Variants in NAALADL2 observed in about 807,000 individuals in gnomAD.
NAALADL2 encodes N-acetylated alpha-linked acidic dipeptidase like 2, also known as inactive N-acetylated-alpha-linked acidic dipeptidase-like protein 2.
NAALADL2 carries 76 observed loss-of-function variants against 87.2 expected under a neutral mutation model. The observed-to-expected ratio is 0.87, with a 90% CI of 0.72 to 1.05. The LOEUF is 1.05. Ranked by LOEUF, NAALADL2 falls within the 50% of genes least tolerant of loss-of-function variation. The pLI is 0.00. For synonymous variants in NAALADL2, 354 were observed against 331.0 expected, an observed-to-expected ratio of 1.07 and a Z score of -0.75; for missense variants, 1,089 against 945.8, an observed-to-expected ratio of 1.15 and a Z score of -1.99.
In NAALADL2 at chr3:175,492,608, C is replaced by T. The variant is rs117208909; in HGVS notation, c.1653+20850C>T. 7.9e-5 allele frequency among the ~76,000 whole-genome samples: 12 copies of T among 152,202 alleles called. No homozygotes were observed. In the East Asian group the frequency reaches 2.3e-3, roughly 29 times the overall value. On this transcript the variant is annotated intron_variant, in intron 9 of 13. Transcript: ENST00000454872. The stretch of plus-strand genomic sequence containing the variant: ...TGTACCCATTTTTCCATGACAATTC[C>T]AAGCATTAATAGATCGTTCACATTC...
chr3:174,629,908 T>G (rs1205776795), intron 2 of NAALADL2, among the ~76,000 whole-genome samples: 2 of 152,220 alleles, frequency 1.3e-5, no homozygotes, highest in Admixed American at 6.5e-5. Context: ...TGATTAGCTT[T>G]GGAATTTTGA....
chr3:175,524,590 C>A (rs1335826356), intron 9 of NAALADL2, among the ~76,000 whole-genome samples: 3 of 151,954 alleles, frequency 2.0e-5, no homozygotes, highest in Non-Finnish European at 2.9e-5. Flanking sequence ...ATATCAACAC[C>A]ATTTCATATT....
intron 1 of NAALADL2, among the ~76,000 whole-genome samples, chr3:175,023,717 A>G (rs1751860341): frequency 6.6e-6 from 1 of 152,106 alleles, no homozygotes; most frequent in Non-Finnish European, 1.5e-5. Context: ...CTAGAATGCA[A>G]AATACTGAAT....
chr3:175,396,910 C>T (rs1271396550), intron 5 of NAALADL2, among the ~76,000 whole-genome samples: 2 of 152,118 alleles, frequency 1.3e-5, no homozygotes, highest in Admixed American at 1.3e-4. Flanking sequence ...CCCAACCCTG[C>T]AGAACTGTGA....
chr3:174,666,304 C>T (rs1319759634), intron 2 of NAALADL2, among the ~76,000 whole-genome samples: 3 of 152,112 alleles, frequency 2.0e-5, no homozygotes, highest in Non-Finnish European at 4.4e-5. Context: ...GATGACAGCA[C>T]AAACCAAAAT....
chr3:175,674,081 A>G (rs933034513), intron 11 of NAALADL2, among the ~76,000 whole-genome samples: 1 of 152,226 alleles, frequency 6.6e-6, no homozygotes, highest in Non-Finnish European at 1.5e-5. Context: ...CCAATTTGAT[A>G]GCATTCATTA....
intron 2 of NAALADL2, among the ~76,000 whole-genome samples, chr3:174,701,287 AACACCTAGCAC>A (rs1729533779): frequency 2.0e-5 from 3 of 151,734 alleles, no homozygotes; most frequent in Admixed American, 2.0e-4. Context: ...ATATGAACCT[AACACCTAGCAC>A]TGAAAATTGT....
At chr3:174,948,269 C>G (rs759454790) in intron 1 of NAALADL2, among the ~76,000 whole-genome samples, 2 of 151,990 alleles carry the variant, frequency 1.3e-5, no homozygotes, top group Non-Finnish European at 2.9e-5. Flanking sequence ...TTCCACCTCC[C>G]GGGTTGAAGC....
chr3:175,719,224 A>C (rs997365924), intron 11 of NAALADL2, among the ~76,000 whole-genome samples: 5 of 151,300 alleles, frequency 3.3e-5, no homozygotes, highest in Non-Finnish European at 5.9e-5. Flanking sequence ...GGGGTTACAA[A>C]AAAAAAAAAG....
chr3:174,882,535 GCATACACACA>G, intron 1 of NAALADL2, among the ~76,000 whole-genome samples: 2 of 147,050 alleles, frequency 1.4e-5, no homozygotes, highest in Admixed American at 6.7e-5. Flanking sequence ...ACACATATAT[GCATACACACA>G]TATGTACATA....
intron 1 of NAALADL2, among the ~76,000 whole-genome samples, chr3:174,993,438 A>T (rs556726471): frequency 6.6e-6 from 1 of 152,220 alleles, no homozygotes; most frequent in Non-Finnish European, 1.5e-5. Context: ...CAAGTGAGAC[A>T]TTCTTTACCC....
intron 2 of NAALADL2, among the ~76,000 whole-genome samples, chr3:174,732,210 T>C (rs2108985823): frequency 6.6e-6 from 1 of 152,232 alleles, no homozygotes; most frequent in South Asian, 2.1e-4. Context: ...ATAAATATGA[T>C]TTTTTGACTC....
intron 1 of NAALADL2, among the ~76,000 whole-genome samples, chr3:174,496,121 G>T (rs956454199): frequency 2.6e-5 from 4 of 152,162 alleles, no homozygotes; most frequent in African/African-American, 4.8e-5. Context: ...TGAACAGTCA[G>T]TAGGGCAGCT....
chr3:175,340,553 C>T (rs1161212346), intron 5 of NAALADL2, among the ~76,000 whole-genome samples: 1 of 152,152 alleles, frequency 6.6e-6, no homozygotes, highest in African/African-American at 2.4e-5. Flanking sequence ...GTCCCCTTCT[C>T]AGTTCTACAA....
chr3:175,597,179 T>A (rs996079492), intron 10 of NAALADL2, among the ~76,000 whole-genome samples: 1 of 152,040 alleles, frequency 6.6e-6, no homozygotes, highest in Non-Finnish European at 1.5e-5. Flanking sequence ...GGGTACAACA[T>A]ATCTGAAATT....
At chr3:174,729,146 C>T (rs1732468471) in intron 2 of NAALADL2, among the ~76,000 whole-genome samples, 1 of 152,008 alleles carries the variant, frequency 6.6e-6, no homozygotes, top group African/African-American at 2.4e-5. Flanking sequence ...TGTAATGTCA[C>T]CTGGCCTTTC....
chr3:175,775,014 C>A lies in NAALADL2; in HGVS notation c.2189+19596C>A, dbSNP rs868623914. 5 of 151,616 alleles carry A rather than the reference C, an allele frequency of 3.3e-5. No homozygotes were observed. The South Asian group carries it at 1.0e-3, about 31-fold the overall frequency. 9.4% of individuals were successfully genotyped at this position (151,616 alleles called of 1,614,324 possible). ...CCACATTTTTCTTATAGATGATATA[C>A]CCCATTGACTTGAGTTGACTCAAAG... On this transcript the variant is annotated intron_variant, in intron 13 of 13. Transcript: ENST00000454872.
intron 11 of NAALADL2, among the ~76,000 whole-genome samples, chr3:175,730,503 G>C (rs1354864443): frequency 7.2e-6 from 1 of 138,084 alleles, no homozygotes; most frequent in Non-Finnish European, 1.5e-5. Context: ...CCTTAACTCT[G>C]TAAATAATCT....
chr3:175,593,198 C>T (rs1189189194), intron 10 of NAALADL2, among the ~76,000 whole-genome samples: 5 of 152,140 alleles, frequency 3.3e-5, no homozygotes, highest in Admixed American at 2.6e-4. Context: ...ATGTGTTGCT[C>T]CCCTCCCTGT....
Sources: allele counts gnomAD v4.1 joint callset (sites outside exome capture counted in the v4.1 genomes callset), GRCh38; gene constraint gnomAD v4.1.1; transcripts MANE v1.5; gene names NCBI Gene and HGNC (gene_info 2026-07-23, HGNC 2026-07-21).